GADL1: variants seen among roughly 807,000 people sequenced by gnomAD.
GADL1 encodes GAD like acidic amino acid decarboxylase 1.
GADL1 carries 71 observed loss-of-function variants against 69.5 expected under a neutral mutation model. That is an observed-to-expected ratio of 1.02 (90% confidence interval 0.84 to 1.25). The LOEUF (loss-of-function observed/expected upper bound fraction) is 1.25. Among genes scored for constraint, GADL1 ranks in the 50% most tolerant of loss-of-function variants. GADL1 has a pLI of 0.00. For missense variants in GADL1, 737 were observed against 631.8 expected, an observed-to-expected ratio of 1.17 and a Z score of -1.79; for synonymous variants, 254 against 214.4, an observed-to-expected ratio of 1.18 and a Z score of -1.62.
chr3:30,852,540 T>C (rs1454511606), intron 4 of GADL1, among the ~76,000 whole-genome samples: 1 of 152,068 alleles, frequency 6.6e-6, no homozygotes, highest in Non-Finnish European at 1.5e-5. Context: ...ATAGATTCTG[T>C]TTCTTAACCA....
At chr3:30,732,230 T>C (rs979081649) in intron 14 of GADL1, among the ~76,000 whole-genome samples, 2 of 152,164 alleles carry the variant, frequency 1.3e-5, no homozygotes, top group African/African-American at 2.4e-5. Flanking sequence ...ATGCATGAAC[T>C]AAATGTAGGT....
At chr3:30,749,439 C>T (rs1695765476) in intron 14 of GADL1, among the ~76,000 whole-genome samples, 1 of 152,178 alleles carries the variant, frequency 6.6e-6, no homozygotes, top group Non-Finnish European at 1.5e-5. Flanking sequence ...ATTGTTTGAA[C>T]AATGACTAAT....
At chr3:30,766,486 C>A (rs190671933) in intron 14 of GADL1, among the ~76,000 whole-genome samples, 1 of 152,220 alleles carries the variant, frequency 6.6e-6, no homozygotes, top group African/African-American at 2.4e-5. Flanking sequence ...TCCCACTTAG[C>A]ACTATGTGAA....
intron 12 of GADL1, among the ~76,000 whole-genome samples, chr3:30,790,881 T>C (rs1259629092): frequency 1.3e-5 from 2 of 152,232 alleles, no homozygotes; most frequent in East Asian, 3.9e-4. Flanking sequence ...TAATGTAATA[T>C]GCAGCTATTA....
chr3:30,758,082 G>A (rs1293291657), intron 14 of GADL1, among the ~76,000 whole-genome samples: 2 of 152,188 alleles, frequency 1.3e-5, no homozygotes, highest in African/African-American at 4.8e-5. Context: ...AAGCTTCATA[G>A]CTTTCATAGT....
chr3:30,849,922 G>A (rs1157983740), intron 6 of GADL1, 74 bp downstream of exon 6: 18 of 853,782 alleles, frequency 2.1e-5, no homozygotes, highest in Non-Finnish European at 3.5e-5. Flanking sequence ...AATCACATCA[G>A]GAATCTTCAA....
chr3:30,846,828 C>T (rs1698066477), intron 6 of GADL1, among the ~76,000 whole-genome samples: 1 of 152,120 alleles, frequency 6.6e-6, no homozygotes, highest in African/African-American at 2.4e-5. Flanking sequence ...GCAACTCAAC[C>T]TCAGCCCTCA....
chr3:30,797,820 T>A (rs905208764), intron 12 of GADL1: 1 of 152,296 alleles, frequency 6.6e-6, no homozygotes, highest in African/African-American at 2.4e-5. Flanking sequence ...TTTATAAATT[T>A]ATTTTTTTAA....
rs1696682182 is a variant in GADL1, at chr3:30,782,268, C to A, written c.1303-4000G>T. Among the ~76,000 whole-genome samples the A allele has an allele frequency of 2.6e-5, 4 of 152,214 alleles. No individual in the cohort carries two copies. The South Asian group carries it at 8.3e-4, about 32-fold the overall frequency. On this transcript the variant is annotated intron_variant, in intron 13 of 14. Transcript: ENST00000282538. ...CTCTAGCAGCAGTGTGGCAGTTAGGCTGGAGGGATCTAAGACTGGAAGTGG... is the reference window on the plus strand; with the variant it reads ...CTCTAGCAGCAGTGTGGCAGTTAGGATGGAGGGATCTAAGACTGGAAGTGG...
At chr3:30,777,227 G>A (rs1696559363) in intron 14 of GADL1, among the ~76,000 whole-genome samples, 1 of 151,992 alleles carries the variant, frequency 6.6e-6, no homozygotes, top group South Asian at 2.1e-4. Context: ...GGGAAAATAG[G>A]CTATGGACAA....
chr3:30,876,401 C>T (rs57790268), intron 1 of GADL1, among the ~76,000 whole-genome samples: 4,417 of 145,688 alleles, frequency 0.03, 147 homozygotes, highest in East Asian at 0.18. Context: ...TGGTAGCATT[C>T]GCCTATTTCT....
chr3:30,833,764 T>A (rs1445393108), intron 11 of GADL1, 89 bp downstream of exon 11: 1 of 850,534 alleles, frequency 1.2e-6, no homozygotes, highest in East Asian at 2.4e-5. Flanking sequence ...CTCGCCCAAG[T>A]CACCAAGAGA....
At chr3:30,811,160 G>C (rs1448729613) in intron 11 of GADL1, among the ~76,000 whole-genome samples, 1 of 152,168 alleles carries the variant, frequency 6.6e-6, no homozygotes, top group Non-Finnish European at 1.5e-5. Context: ...CAAGATCTGA[G>C]ATATTTTCTC....
In GADL1 at chr3:30,837,644, A is replaced by G. The variant is rs568306981; in HGVS notation, c.903+1353T>C. 5.9e-5 allele frequency among the ~76,000 whole-genome samples: 9 copies of G among 152,258 alleles called. 1 individual carries two copies. The South Asian group carries it at 8.3e-4, about 14-fold the overall frequency. ...TACTTTTCTCCATTTTATACAAACT[A>G]CATAAACTATATAATCCATATGTGA... On this transcript the variant is annotated intron_variant, in intron 9 of 14. Coordinates refer to ENST00000282538, the MANE Select transcript of GADL1 (RefSeq NM_207359.3).
chr3:30,877,155 C>T (rs1698587291), intron 1 of GADL1, among the ~76,000 whole-genome samples: 1 of 151,892 alleles, frequency 6.6e-6, no homozygotes, highest in African/African-American at 2.4e-5. Context: ...GGTTAGTTAA[C>T]TCTATGGAGG....
At chr3:30,777,771 GAC>G (rs1696569392) in intron 14 of GADL1, among the ~76,000 whole-genome samples, 1 of 152,156 alleles carries the variant, frequency 6.6e-6, no homozygotes, top group African/African-American at 2.4e-5. Flanking sequence ...CTTTGTTGAA[GAC>G]AGTCTCACGC....
chr3:30,840,064 G>A (rs1405053298), intron 8 of GADL1, among the ~76,000 whole-genome samples: 5 of 146,646 alleles, frequency 3.4e-5, no homozygotes, highest in Non-Finnish European at 4.6e-5. Context: ...TAGAGCACCT[G>A]AGAAATAGAC....
chr3:30,824,215 T>C (rs548578276), intron 11 of GADL1, among the ~76,000 whole-genome samples: 2 of 151,906 alleles, frequency 1.3e-5, no homozygotes, highest in South Asian at 4.1e-4. Context: ...AAAAGTCATT[T>C]TATCATTAAA....
At chr3:30,740,906 ATATC>A (rs1487442989) in intron 14 of GADL1, among the ~76,000 whole-genome samples, 1 of 142,408 alleles carries the variant, frequency 7.0e-6, no homozygotes, top group East Asian at 2.0e-4. Context: ...AAACATATAT[ATATC>A]TAATATATAA....
Sources: gnomAD v4.1 joint callset for allele counts (sites outside exome capture counted in the v4.1 genomes callset) on GRCh38, gnomAD v4.1.1 for gene constraint, MANE v1.5 for transcripts, NCBI Gene and HGNC (gene_info 2026-07-23, HGNC 2026-07-21) for gene names.